KCNIP1: variants seen among roughly 807,000 people sequenced by gnomAD.
The protein encoded by KCNIP1 is potassium voltage-gated channel interacting protein 1, also known as A-type potassium channel modulatory protein KCNIP1.
In KCNIP1, 18 loss-of-function variants were observed where a neutral mutation model predicts 33.0. The ratio of observed to expected loss-of-function variants is 0.55; its 90% CI spans 0.38 to 0.81. The LOEUF is 0.81. Among genes scored for constraint, KCNIP1 ranks in the 30% least tolerant of loss-of-function variants. The pLI is 0.00. For synonymous variants in KCNIP1, 93 were observed against 98.3 expected, an observed-to-expected ratio of 0.95 and a Z score of 0.32; for missense variants, 238 against 271.6, an observed-to-expected ratio of 0.88 and a Z score of 0.87.
chr5:170,505,506 G>A (rs1226320332), intron 1 of KCNIP1, among the ~76,000 whole-genome samples: 4 of 152,202 alleles, frequency 2.6e-5, no homozygotes, highest in Non-Finnish European at 5.9e-5. Flanking sequence ...GTCACTACGA[G>A]TGGTAAGATT....
intron 1 of KCNIP1, among the ~76,000 whole-genome samples, chr5:170,526,259 A>T (rs1412885970): frequency 6.6e-6 from 1 of 152,190 alleles, no homozygotes; most frequent in African/African-American, 2.4e-5. Context: ...AGTGCTTAGA[A>T]CAGTGCCTGG....
chr5:170,455,691 C>A (rs1191549853), intron 1 of KCNIP1, among the ~76,000 whole-genome samples: 1 of 152,102 alleles, frequency 6.6e-6, no homozygotes, highest in Non-Finnish European at 1.5e-5. Context: ...CCATAAGTAA[C>A]CAATTGGTTG....
At chr5:170,623,446 A>G (rs1339756261) in intron 1 of KCNIP1, among the ~76,000 whole-genome samples, 1 of 152,038 alleles carries the variant, frequency 6.6e-6, no homozygotes, top group East Asian at 1.9e-4. Context: ...TCCCGACCTC[A>G]AGTGATCCGC....
intron 1 of KCNIP1, among the ~76,000 whole-genome samples, chr5:170,470,698 CG>C (rs1322821457): frequency 3.9e-5 from 6 of 152,228 alleles, no homozygotes; most frequent in Non-Finnish European, 5.9e-5. Flanking sequence ...CATCTTGAAG[CG>C]GAAGTTTGGG....
chr5:170,425,826 A>G (rs1260032738), intron 1 of KCNIP1, among the ~76,000 whole-genome samples: 2 of 152,146 alleles, frequency 1.3e-5, no homozygotes, highest in Non-Finnish European at 2.9e-5. Flanking sequence ...GCAGGCAGGC[A>G]AGGTCCTGGA....
chr5:170,446,829 T>C lies in KCNIP1; in HGVS notation c.88+92865T>C, dbSNP rs192607935. On this transcript the variant is annotated intron_variant, in intron 1 of 7. Transcript: ENST00000377360. ...AAATCTCCATCTGTCCCCAGCACTC[T>C]ACTAAATGGCTTAACTGGGCCCTCA... Among the ~76,000 whole-genome samples, 364 of 152,272 alleles carry C rather than the reference T, an allele frequency of 2.4e-3. 3 individuals carry two copies. The highest frequency in any genetic ancestry group is 8.3e-3 in the African/African-American group (344 of 41,556).
At chr5:170,415,755 A>T (rs1047405827) in intron 1 of KCNIP1, among the ~76,000 whole-genome samples, 20 of 152,038 alleles carry the variant, frequency 1.3e-4, no homozygotes, top group African/African-American at 4.8e-4. Flanking sequence ...TATTTTGATT[A>T]TCTCTCTATC....
chr5:170,459,770 C>T (rs1756465854), intron 1 of KCNIP1, among the ~76,000 whole-genome samples: 1 of 152,138 alleles, frequency 6.6e-6, no homozygotes, highest in East Asian at 1.9e-4. Context: ...TCTAAAGTCA[C>T]ACCTCAAGGA....
chr5:170,718,915 G>A, intron 2 of KCNIP1, 33 bp downstream of exon 2: 1 of 1,594,990 alleles, frequency 6.3e-7, no homozygotes, highest in Non-Finnish European at 8.5e-7. Flanking sequence ...AGGCCTGGGG[G>A]GGGTTCCCAC....
intron 1 of KCNIP1, among the ~76,000 whole-genome samples, chr5:170,411,436 G>T (rs1755185729): frequency 6.6e-6 from 1 of 152,196 alleles, no homozygotes; most frequent in Admixed American, 6.5e-5. Flanking sequence ...ACAGGCAGGG[G>T]ACAGAGAGTG....
At chr5:170,647,236 C>A (rs1216391960) in intron 1 of KCNIP1, among the ~76,000 whole-genome samples, 1 of 152,074 alleles carries the variant, frequency 6.6e-6, no homozygotes, top group Admixed American at 6.5e-5. Flanking sequence ...TGGTTATTAG[C>A]AACTATTAAC....
chr5:170,617,582 T>C (rs1005754216), intron 1 of KCNIP1, among the ~76,000 whole-genome samples: 2 of 152,194 alleles, frequency 1.3e-5, no homozygotes, highest in Admixed American at 1.3e-4. Flanking sequence ...TTCCCAAAGC[T>C]GGTTCTGCTC....
chr5:170,394,282 T>C (rs2113371545), intron 1 of KCNIP1, among the ~76,000 whole-genome samples: 1 of 152,308 alleles, frequency 6.6e-6, no homozygotes, highest in East Asian at 1.9e-4. Flanking sequence ...GCATGCCTCT[T>C]CTGCAGAACA....
At chr5:170,531,130 A>G (rs1755772680) in intron 1 of KCNIP1, among the ~76,000 whole-genome samples, 1 of 152,210 alleles carries the variant, frequency 6.6e-6, no homozygotes, top group African/African-American at 2.4e-5. Context: ...CCATGTGGGA[A>G]GGCAGCATGA....
At chr5:170,546,491 G>A (rs573408325) in intron 1 of KCNIP1, among the ~76,000 whole-genome samples, 20 of 152,296 alleles carry the variant, frequency 1.3e-4, no homozygotes, top group African/African-American at 4.6e-4. Flanking sequence ...CAAAAGTGCT[G>A]CTTGGTTTCT....
intron 7 of KCNIP1, among the ~76,000 whole-genome samples, chr5:170,735,345 A>T (rs1261118412): frequency 6.6e-6 from 1 of 152,256 alleles, no homozygotes; most frequent in African/African-American, 2.4e-5. Flanking sequence ...TCGAATAAAA[A>T]TAAAATAAAA....
intron 1 of KCNIP1, among the ~76,000 whole-genome samples, chr5:170,606,898 C>T (rs1048432477): frequency 2.0e-5 from 3 of 152,218 alleles, no homozygotes; most frequent in Non-Finnish European, 4.4e-5. Flanking sequence ...AGAAACTGCT[C>T]CTTCCCACCA....
intron 1 of KCNIP1, among the ~76,000 whole-genome samples, chr5:170,527,388 C>G (rs1250613584): frequency 6.6e-6 from 1 of 151,984 alleles, no homozygotes; most frequent in African/African-American, 2.4e-5. Context: ...GTAGAAAATA[C>G]CTGGGCTTGG....
At chr5:170,601,142 G>A (rs565432230) in intron 1 of KCNIP1, among the ~76,000 whole-genome samples, 7 of 152,342 alleles carry the variant, frequency 4.6e-5, no homozygotes, top group South Asian at 4.1e-4. Flanking sequence ...ACAGAGCAGC[G>A]TTGTTGCAGT....
Sources: allele counts gnomAD v4.1 joint callset (sites outside exome capture counted in the v4.1 genomes callset), GRCh38; gene constraint gnomAD v4.1.1; transcripts MANE v1.5; gene names NCBI Gene and HGNC (gene_info 2026-07-23, HGNC 2026-07-21).